Variants in WDPCP observed in about 807,000 individuals in gnomAD.
WDPCP encodes WD repeat-containing and planar cell polarity effector protein fritz homolog.
A neutral mutation model predicts 93.1 loss-of-function variants in WDPCP; 71 were observed. That is an observed-to-expected ratio of 0.76 (90% confidence interval 0.63 to 0.93). WDPCP has a LOEUF of 0.93. Ranked by LOEUF, WDPCP falls within the 40% of genes least tolerant of loss-of-function variation. WDPCP has a pLI of 0.00. For missense variants in WDPCP, 844 were observed against 887.4 expected (o/e 0.95, Z 0.62); for synonymous variants, 315 against 315.0 (o/e 1.00, Z 0.00).
At chr2:63,509,525 T>C (rs566891810) in intron 1 of WDPCP, among the ~76,000 whole-genome samples, 11 of 151,554 alleles carry the variant, frequency 7.3e-5, no homozygotes, top group Admixed American at 5.3e-4. Context: ...TTAAAATAAT[T>C]AGAGAAGAGC....
intron 12 of WDPCP, among the ~76,000 whole-genome samples, chr2:63,374,137 T>C (rs1691643340): frequency 6.6e-6 from 1 of 151,982 alleles, no homozygotes; most frequent in Admixed American, 6.6e-5. Flanking sequence ...TGCTGTCCCA[T>C]TCAAGGGTTC....
chr2:63,471,781 T>C (rs971483844), intron 6 of WDPCP, among the ~76,000 whole-genome samples: 1 of 152,218 alleles, frequency 6.6e-6, no homozygotes, highest in African/African-American at 2.4e-5. Context: ...CTTTCCTGTA[T>C]GAAATTCACT....
intron 1 of WDPCP, among the ~76,000 whole-genome samples, chr2:63,573,946 A>C (rs1218641414): frequency 6.6e-6 from 1 of 152,160 alleles, no homozygotes; most frequent in Non-Finnish European, 1.5e-5. Context: ...TAGCACTCCC[A>C]GGCTTATTAG....
chr2:63,652,077 A>G (rs1710115556), intron 2 of WDPCP, among the ~76,000 whole-genome samples: 2 of 152,254 alleles, frequency 1.3e-5, no homozygotes, highest in Non-Finnish European at 2.9e-5. Context: ...CTGAAGGGCC[A>G]TTTGTTCAGA....
chr2:63,478,202 C>T lies in WDPCP; in HGVS notation c.384+6402G>A, dbSNP rs547289328. On this transcript the variant is annotated intron_variant, in intron 6 of 17. Transcript: ENST00000272321. ...CCAAATTTATAAAACAATCACTATT[C>T]GACCTAAGAAATTAGATAGACAGCA... Among the ~76,000 whole-genome samples the T allele has an allele frequency of 2.8e-4, 43 of 152,130 alleles. 1 individual carries two copies. The South Asian group carries it at 3.7e-3, about 13-fold the overall frequency.
intron 6 of WDPCP, among the ~76,000 whole-genome samples, chr2:63,482,984 A>G (rs2105896799): frequency 6.6e-6 from 1 of 152,080 alleles, no homozygotes; most frequent in South Asian, 2.1e-4. Flanking sequence ...TCTGAGTTGA[A>G]TTAATGTAAT....
At chr2:63,770,335 T>A (rs1670206540) in intron 2 of WDPCP, among the ~76,000 whole-genome samples, 1 of 151,854 alleles carries the variant, frequency 6.6e-6, no homozygotes, top group South Asian at 2.1e-4. Flanking sequence ...AATATTTGTA[T>A]CCTTAAATGA....
At chr2:63,571,871 C>T (rs1707530461) in intron 1 of WDPCP, among the ~76,000 whole-genome samples, 1 of 152,048 alleles carries the variant, frequency 6.6e-6, no homozygotes. Flanking sequence ...TCTATTTTTC[C>T]CACATATATT....
intron 6 of WDPCP, among the ~76,000 whole-genome samples, chr2:63,444,939 G>A (rs1052871194): frequency 6.6e-6 from 1 of 152,060 alleles, no homozygotes; most frequent in African/African-American, 2.4e-5. Context: ...GGGAAGGTGA[G>A]CTTTCTCTTT....
intron 17 of WDPCP, among the ~76,000 whole-genome samples, chr2:63,144,259 T>TTTTTATTTTATTTTATTTTA (rs58606765): frequency 4.7e-5 from 7 of 147,964 alleles, no homozygotes; most frequent in African/African-American, 1.5e-4. Flanking sequence ...GCATTTACCC[T>TTTTTATTTTATTTTATTTTA]TTTTATTTTA....
rs571374696 is a variant in WDPCP at position 63,174,598 on chromosome 2, C to T, written c.2078+72G>A. On this transcript the variant is annotated intron_variant, in intron 15 of 17. Coordinates refer to ENST00000272321, the MANE Select transcript of WDPCP (RefSeq NM_015910.7). ...GACATTTTGAAATATTCTTGCTTTGCTATTAGTTCGCATTTGAACAGGTAA... is the reference window on the plus strand; with the variant it reads ...GACATTTTGAAATATTCTTGCTTTGTTATTAGTTCGCATTTGAACAGGTAA... 40 of 1,584,810 alleles carry T rather than the reference C, an allele frequency of 2.5e-5. No homozygotes were observed. In the East Asian group the frequency reaches 6.5e-4, roughly 26 times the overall value.
At chr2:63,780,424 T>C (rs1039073133) in intron 2 of WDPCP, among the ~76,000 whole-genome samples, 4 of 152,162 alleles carry the variant, frequency 2.6e-5, no homozygotes, top group African/African-American at 9.7e-5. Flanking sequence ...CAGAATACAA[T>C]CTGGAAGAAA....
At chr2:63,123,352 T>C (rs2153394607) in intron 17 of WDPCP, among the ~76,000 whole-genome samples, 1 of 152,224 alleles carries the variant, frequency 6.6e-6, no homozygotes, top group East Asian at 1.9e-4. Flanking sequence ...TAGATATACT[T>C]GTTGCTAGAA....
chr2:63,438,037 C>T, intron 7 of WDPCP: 17 of 1,261,642 alleles, frequency 1.3e-5, no homozygotes, highest in Non-Finnish European at 1.7e-5. Flanking sequence ...TAGGGGTATA[C>T]AAGCTGGATG....
At chr2:63,575,135 G>T (rs1315008386) in intron 1 of WDPCP, among the ~76,000 whole-genome samples, 1 of 151,302 alleles carries the variant, frequency 6.6e-6, no homozygotes, top group Admixed American at 6.6e-5. Context: ...GGCAAAGGAG[G>T]GCTGCCTAGG....
intron 1 of WDPCP, among the ~76,000 whole-genome samples, chr2:63,521,807 A>C (rs1415793099): frequency 6.6e-6 from 1 of 152,164 alleles, no homozygotes; most frequent in Non-Finnish European, 1.5e-5. Flanking sequence ...CAAATTAAAA[A>C]ACACCAAAAT....
chr2:63,267,492 C>T (rs992468327), intron 13 of WDPCP, among the ~76,000 whole-genome samples: 3 of 151,990 alleles, frequency 2.0e-5, no homozygotes, highest in Non-Finnish European at 4.4e-5. Context: ...AATGAGACTG[C>T]AATGAATGAA....
chr2:63,647,091 G>A (rs114402989), intron 3 of WDPCP, among the ~76,000 whole-genome samples: 2,116 of 152,024 alleles, frequency 0.014, 50 homozygotes, highest in African/African-American at 0.049. Context: ...GTGCTTCATT[G>A]TTTTTTCTTC....
intron 6 of WDPCP, among the ~76,000 whole-genome samples, chr2:63,464,660 A>G (rs970674198): frequency 2.0e-5 from 3 of 151,568 alleles, no homozygotes; most frequent in Non-Finnish European, 4.4e-5. Context: ...ATGAATGGAG[A>G]AAAAAAAATG....
Sources: allele counts gnomAD v4.1 joint callset (sites outside exome capture counted in the v4.1 genomes callset), GRCh38; gene constraint gnomAD v4.1.1; transcripts MANE v1.5; gene names NCBI Gene and HGNC (gene_info 2026-07-23, HGNC 2026-07-21).